SPAG16: variants seen among roughly 807,000 people sequenced by gnomAD.
SPAG16 encodes sperm-associated antigen 16 protein.
A neutral mutation model predicts 80.4 loss-of-function variants in SPAG16; 86 were observed. The observed-to-expected ratio is 1.07, with a 90% CI of 0.90 to 1.28. The LOEUF is 1.28. Ranked by LOEUF, SPAG16 falls within the 50% of genes most tolerant of loss-of-function variation. The probability of loss-of-function intolerance (pLI) is 0.00; values close to 1 mark genes in which losing one functional copy is unlikely to be tolerated. For synonymous variants in SPAG16, 294 were observed against 265.9 expected (o/e 1.11, Z -1.03); for missense variants, 870 against 765.3 (o/e 1.14, Z -1.61).
chr2:213,340,342 A>C, intron 6 of SPAG16, 72 bp downstream of exon 6: 2 of 1,083,378 alleles, frequency 1.8e-6, no homozygotes, highest in East Asian at 2.6e-5. Context: ...ATTATGACAA[A>C]GTTTTAGACA....
chr2:213,977,129 C>G (rs1367095049), intron 12 of SPAG16, among the ~76,000 whole-genome samples: 1 of 151,864 alleles, frequency 6.6e-6, no homozygotes, highest in Non-Finnish European at 1.5e-5. Flanking sequence ...TGGGAGGGAA[C>G]CATACAAAGA....
chr2:213,785,985 C>T (rs866821756), intron 10 of SPAG16, among the ~76,000 whole-genome samples: 61 of 149,530 alleles, frequency 4.1e-4, no homozygotes, highest in African/African-American at 1.3e-3. Context: ...CCAGCCTCGG[C>T]GACAAGAGCA....
intron 13 of SPAG16, among the ~76,000 whole-genome samples, chr2:214,019,738 A>G (rs573467339): frequency 2.0e-5 from 3 of 152,240 alleles, no homozygotes; most frequent in African/African-American, 7.2e-5. Context: ...GAATGTGGAA[A>G]CAAAGGGAAG....
intron 9 of SPAG16, among the ~76,000 whole-genome samples, chr2:213,480,408 A>G (rs1207026054): frequency 6.6e-6 from 1 of 152,238 alleles, no homozygotes; most frequent in Non-Finnish European, 1.5e-5. Context: ...CCTTTGAGGA[A>G]TGGAAGCAGA....
intron 10 of SPAG16, among the ~76,000 whole-genome samples, chr2:213,840,141 G>T (rs1245331616): frequency 1.3e-5 from 2 of 152,120 alleles, no homozygotes; most frequent in East Asian, 3.8e-4. Flanking sequence ...TTGGAAATTA[G>T]GAATGCATGT....
chr2:213,742,100 G>A (rs1200078197), intron 10 of SPAG16, among the ~76,000 whole-genome samples: 3 of 150,626 alleles, frequency 2.0e-5, no homozygotes, highest in African/African-American at 7.3e-5. Context: ...GTTTAAATCT[G>A]CCATCTGGTT....
At chr2:214,307,627 C>T (rs780495547) in intron 15 of SPAG16, among the ~76,000 whole-genome samples, 1 of 152,058 alleles carries the variant, frequency 6.6e-6, no homozygotes, top group Non-Finnish European at 1.5e-5. Flanking sequence ...AACTTCTTGA[C>T]TTCTATCTTA....
intron 11 of SPAG16, among the ~76,000 whole-genome samples, chr2:213,926,988 A>C (rs2078508393): frequency 6.6e-6 from 1 of 152,214 alleles, no homozygotes; most frequent in African/African-American, 2.4e-5. Flanking sequence ...AACAGAAATT[A>C]ATTTCTCACA....
chr2:214,072,679 A>G (rs2050846795), intron 13 of SPAG16, among the ~76,000 whole-genome samples: 1 of 152,186 alleles, frequency 6.6e-6, no homozygotes, highest in African/African-American at 2.4e-5. Context: ...GAAAATAGAC[A>G]TTTAAGATAT....
chr2:213,512,083 G>T (rs1223666823), intron 10 of SPAG16, among the ~76,000 whole-genome samples: 1 of 151,968 alleles, frequency 6.6e-6, no homozygotes, highest in Non-Finnish European at 1.5e-5. Flanking sequence ...AACAGTCATG[G>T]TTATCAATGA....
At chr2:214,358,213 G>GGT (rs1279413516) in intron 15 of SPAG16, among the ~76,000 whole-genome samples, 1 of 151,688 alleles carries the variant, frequency 6.6e-6, no homozygotes, top group Non-Finnish European at 1.5e-5. Flanking sequence ...GTCACCATTT[G>GGT]GACATCCCAG....
At chr2:213,414,067 A>G (rs551098971) in intron 9 of SPAG16, among the ~76,000 whole-genome samples, 13 of 152,324 alleles carry the variant, frequency 8.5e-5, no homozygotes, top group Middle Eastern at 3.4e-3. Context: ...TGTTTCTTCA[A>G]AGAACCACAG....
chr2:214,038,663 G>A (rs1364693373), intron 13 of SPAG16, among the ~76,000 whole-genome samples: 3 of 151,598 alleles, frequency 2.0e-5, no homozygotes, highest in Non-Finnish European at 4.4e-5. Flanking sequence ...TTTAACATTA[G>A]GTATATCTCC....
At chr2:213,643,818 T>A (rs903640257) in intron 10 of SPAG16, among the ~76,000 whole-genome samples, 1 of 147,138 alleles carries the variant, frequency 6.8e-6, no homozygotes, top group African/African-American at 2.5e-5. Context: ...TCAGTCTTTG[T>A]TGTCAAGGCT....
At chr2:214,343,922 A>G (rs1159975866) in intron 15 of SPAG16, among the ~76,000 whole-genome samples, 3 of 152,182 alleles carry the variant, frequency 2.0e-5, no homozygotes, top group Admixed American at 1.3e-4. Flanking sequence ...GAGAGTACAT[A>G]TTTAGAATGC....
intron 10 of SPAG16, among the ~76,000 whole-genome samples, chr2:213,767,655 T>TCAGA (rs1553626610): frequency 1.4e-5 from 2 of 147,776 alleles, no homozygotes; most frequent in Non-Finnish European, 3.0e-5. Flanking sequence ...ACAACATACT[T>TCAGA]CACACACACA....
chr2:213,295,127 G>A (rs1282084995), intron 1 of SPAG16, among the ~76,000 whole-genome samples: 3 of 152,012 alleles, frequency 2.0e-5, no homozygotes, highest in Non-Finnish European at 4.4e-5. Flanking sequence ...ATGAAAACTA[G>A]GCTAATCTTA....
chr2:213,730,152 G>C (rs2066965964), intron 10 of SPAG16, among the ~76,000 whole-genome samples: 1 of 152,146 alleles, frequency 6.6e-6, no homozygotes, highest in South Asian at 2.1e-4. Flanking sequence ...GCAGATTTTA[G>C]CAGTTTAACC....
At chr2:213,972,553 G>C (rs1453108008) in intron 12 of SPAG16, among the ~76,000 whole-genome samples, 1 of 152,136 alleles carries the variant, frequency 6.6e-6, no homozygotes, top group African/African-American at 2.4e-5. Context: ...TGAGTTGGGT[G>C]GTGCCCACCT....
Sources: allele counts gnomAD v4.1 joint callset (sites outside exome capture counted in the v4.1 genomes callset), GRCh38; gene constraint gnomAD v4.1.1; transcripts MANE v1.5; gene names NCBI Gene and HGNC (gene_info 2026-07-23, HGNC 2026-07-21).